Variants in PTK2B observed in about 807,000 individuals in gnomAD.
PTK2B encodes protein tyrosine kinase 2 beta.
PTK2B carries 71 observed loss-of-function variants against 142.9 expected under a neutral mutation model. The observed-to-expected ratio is 0.50, with a 90% CI of 0.41 to 0.61. The LOEUF (loss-of-function observed/expected upper bound fraction) is 0.61. Among genes scored for constraint, PTK2B ranks in the 20% least tolerant of loss-of-function variants. The pLI, the probability that PTK2B is intolerant of heterozygous loss-of-function variation, is 0.00. For missense variants in PTK2B, 1,105 were observed against 1,320.4 expected (o/e 0.84, Z 2.53); for synonymous variants, 519 against 503.4 (o/e 1.03, Z -0.42).
chr8:27,454,669 C>T, intron 30 of PTK2B, 58 bp downstream of exon 30: 10 of 1,562,076 alleles, frequency 6.4e-6, no homozygotes, highest in Non-Finnish European at 8.8e-6. Context: ...GCTTATGAGC[C>T]TCATTAGAGG....
chr8:27,435,892 T>C, intron 14 of PTK2B, 99 bp downstream of exon 14: 1 of 1,405,058 alleles, frequency 7.1e-7, no homozygotes. Context: ...TTTTCCTCCT[T>C]TATCCTCCCT....
intron 1 of PTK2B, among the ~76,000 whole-genome samples, chr8:27,361,772 G>C (rs1805721472): frequency 6.6e-6 from 1 of 152,154 alleles, no homozygotes; most frequent in Non-Finnish European, 1.5e-5. Context: ...TGCTCTCAAT[G>C]AAGTACAGTC....
chr8:27,395,604 C>G (rs537863651), intron 1 of PTK2B, among the ~76,000 whole-genome samples: 24 of 152,308 alleles, frequency 1.6e-4, no homozygotes, highest in Admixed American at 1.2e-3. Context: ...TGAGGACTTT[C>G]TCAGCTCTCC....
At chr8:27,434,709 T>C (rs1288527060) in intron 13 of PTK2B, 150 bp downstream of exon 13, 3 of 967,674 alleles carry the variant, frequency 3.1e-6, no homozygotes, top group African/African-American at 3.3e-5. Flanking sequence ...CTTTAAAATA[T>C]CGTGAATTAT....
Position 27,420,549 on chromosome 8 carries a change from C to A in PTK2B, c.384-108C>A, listed in dbSNP as rs184775808. The A allele has an allele frequency of 2.4e-4, 255 of 1,041,714 alleles. 1 individual carries two copies. In the East Asian group the frequency reaches 5.2e-3, roughly 21 times the overall value. The allele number at this position is 1,041,714 out of a possible 1,614,324, so 64.5% of individuals were successfully genotyped here. ...AGTGGCCACGAGACTCATGGGCAGC[C>A]CTTCCCTTTGCACTAGGGGATGGGC... On this transcript the variant is annotated intron_variant, in intron 3 of 30. Transcript: ENST00000346049.
At position 27,454,543 on chromosome 8, in the gene PTK2B, A is replaced by G; in HGVS notation, c.2746A>G (p.Thr916Ala). 1 of 1,614,116 alleles carries G rather than the reference A, an allele frequency of 6.2e-7. No individual in the cohort carries two copies. Among genetic ancestry groups the G allele is most frequent in the East Asian group, 2.2e-5 (1 of 44,878 alleles). The change falls in exon 30 of 31, where the codon ACC (threonine) becomes GCC (alanine). Residue 916 changes from threonine (T) to alanine (A), a missense_variant. Coordinates refer to ENST00000346049, the MANE Select transcript of PTK2B (RefSeq NM_173176.3). ...YVVVVKNVGL[T>A]LRKLIGSVDD... ...TTTCTCCCCCCAGAATGTGGGGCTG[A>G]CCCTGCGGAAGCTCATCGGGAGCGT...
At chr8:27,355,873 A>G (rs1434373680) in intron 1 of PTK2B, among the ~76,000 whole-genome samples, 1 of 152,050 alleles carries the variant, frequency 6.6e-6, no homozygotes, top group Non-Finnish European at 1.5e-5. Flanking sequence ...AATACAAACA[A>G]TTAGCTGGGC....
chr8:27,370,544 T>A (rs2130914362), intron 1 of PTK2B, among the ~76,000 whole-genome samples: 1 of 152,350 alleles, frequency 6.6e-6, no homozygotes, highest in East Asian at 1.9e-4. Flanking sequence ...CTGTGGTTGG[T>A]ATGATTTCCC....
chr8:27,449,722 A>G lies in PTK2B; in HGVS notation c.2341-1027A>G, dbSNP rs147511081. On this transcript the variant is annotated intron_variant, in intron 24 of 30. Coordinates refer to ENST00000346049, the MANE Select transcript of PTK2B (RefSeq NM_173176.3). ...CAGCACAACAAGAGCAAAATAGTTT[A>G]GAGACACTGAGCAGATATTTATACA... 3.6e-3 allele frequency among the ~76,000 whole-genome samples: 555 copies of G among 152,384 alleles called. 4 individuals are homozygous for G. Among genetic ancestry groups the G allele is most frequent in the African/African-American group, 0.012 (505 of 41,594 alleles).
intron 1 of PTK2B, among the ~76,000 whole-genome samples, chr8:27,325,936 C>G (rs1803923977): frequency 6.6e-6 from 1 of 152,094 alleles, no homozygotes; most frequent in Non-Finnish European, 1.5e-5. Flanking sequence ...CCTCTTTGTC[C>G]TCTCAACATA....
chr8:27,397,885 T>C, intron 2 of PTK2B, 97 bp downstream of exon 2: 1 of 1,375,342 alleles, frequency 7.3e-7, no homozygotes, highest in Non-Finnish European at 1.0e-6. Context: ...CTCTCCCATA[T>C]CCACCCCTGG....
chr8:27,458,866 A>T lies in PTK2B; in HGVS notation c.*357A>T, dbSNP rs1022173321. On this transcript the variant is annotated 3_prime_UTR_variant, in exon 31 of 31. Transcript: ENST00000346049. Reference sequence around the variant, plus strand: ...CTTTATATATGGACATGGCAGGCCGATTTGGGAACCAAGCTATTCCTTTCC... The same window carrying T: ...CTTTATATATGGACATGGCAGGCCGTTTTGGGAACCAAGCTATTCCTTTCC... 1.1e-4 allele frequency: 42 copies of T among 389,820 alleles called. No homozygotes were observed. The highest frequency in any genetic ancestry group is 1.7e-4 in the Non-Finnish European group (36 of 211,430). The allele number at this position is 389,820 out of a possible 1,614,324, so 24.1% of individuals were successfully genotyped here.
At chr8:27,435,674 A>T in intron 13 of PTK2B, 69 bp from the exon 14 acceptor site, 1 of 1,576,318 alleles carries the variant, frequency 6.3e-7, no homozygotes. Context: ...AGGGAGCCCC[A>T]CACCTGATTC....
Position 27,445,866 on chromosome 8 carries a change from C to T in PTK2B, c.2287C>T (p.Leu763=). 1.2e-6 allele frequency: 2 copies of T among 1,614,150 alleles called. No individual in the cohort carries two copies. Among genetic ancestry groups the T allele is most frequent in the Non-Finnish European group, 1.7e-6 (2 of 1,180,040 alleles). ...GGAGTATCCATCTCCCGTTAACTCA[C>T]TGCACACCCCACCTCTCCACCGGCA... is the stretch of plus-strand genomic sequence containing the variant. ...PMEYPSPVNS[L]HTPPLHRHNV... is the part of the protein sequence containing the mutation. Residue 763 remains leucine (L), a synonymous_variant, in exon 24 of 31, where the codon CTG becomes TTG. Transcript: ENST00000346049.
intron 10 of PTK2B, among the ~76,000 whole-genome samples, chr8:27,432,805 A>C (rs889790047): frequency 6.6e-6 from 1 of 151,312 alleles, no homozygotes; most frequent in African/African-American, 2.4e-5. Context: ...GCCCTGCCCC[A>C]TTGCCTCCCC....
At chr8:27,314,127 C>T (rs1803042287) in intron 3 of PTK2B, among the ~76,000 whole-genome samples, 1 of 152,198 alleles carries the variant, frequency 6.6e-6, no homozygotes, top group Admixed American at 6.5e-5. Flanking sequence ...CCTAGGTTCC[C>T]CACTCAGTTT....
intron 1 of PTK2B, among the ~76,000 whole-genome samples, chr8:27,357,760 A>G (rs1397181772): frequency 6.6e-6 from 1 of 152,234 alleles, no homozygotes; most frequent in African/African-American, 2.4e-5. Context: ...TAGAAAATGC[A>G]CAGGCTTGGA....
chr8:27,403,816 GTCT>G (rs769479283), intron 2 of PTK2B, among the ~76,000 whole-genome samples: 11 of 151,262 alleles, frequency 7.3e-5, no homozygotes, highest in African/African-American at 1.5e-4. Flanking sequence ...TCTTTCTTCT[GTCT>G]TCTTTCTTTT....
At chr8:27,350,596 G>A (rs1471428214) in intron 1 of PTK2B, among the ~76,000 whole-genome samples, 3 of 152,020 alleles carry the variant, frequency 2.0e-5, no homozygotes, top group African/African-American at 7.3e-5. Context: ...ATAAGTGGGG[G>A]AACTCCTGCT....
Sources: allele counts gnomAD v4.1 joint callset (sites outside exome capture counted in the v4.1 genomes callset), GRCh38; gene constraint gnomAD v4.1.1; transcripts MANE v1.5; gene names NCBI Gene and HGNC (gene_info 2026-07-23, HGNC 2026-07-21).